ZNF26: variants seen among roughly 807,000 people sequenced by gnomAD.
ZNF26 encodes the protein epididymis luminal protein 179.
A neutral mutation model predicts 54.9 loss-of-function variants in ZNF26; 32 were observed. The observed-to-expected ratio is 0.58, with a 90% CI of 0.44 to 0.78. The LOEUF (loss-of-function observed/expected upper bound fraction) is 0.78, where lower values mean the gene tolerates loss of function less well. Among genes scored for constraint, ZNF26 ranks in the 30% least tolerant of loss-of-function variants. The pLI, the probability that ZNF26 is intolerant of heterozygous loss-of-function variation, is 0.00. For synonymous variants in ZNF26, 221 were observed against 209.2 expected, an observed-to-expected ratio of 1.06 and a Z score of -0.49; for missense variants, 524 against 634.0, an observed-to-expected ratio of 0.83 and a Z score of 1.86.
At chr12:133,008,775 C>CAAAAA (rs57200465) in intron 3 of ZNF26, among the ~76,000 whole-genome samples, 6 of 61,414 alleles carry the variant, frequency 9.8e-5, no homozygotes, top group Non-Finnish European at 2.0e-4. Context: ...GACTCCATCT[C>CAAAAA]AAAAAAAAAA....
chr12:132,989,390 T>G (rs1289867019), intron 1 of ZNF26, among the ~76,000 whole-genome samples: 1 of 152,182 alleles, frequency 6.6e-6, no homozygotes, highest in Non-Finnish European at 1.5e-5. Flanking sequence ...AAAGTTTTAT[T>G]CCTTCCTTCA....
chr12:133,007,039 C>T lies in ZNF26; in HGVS notation c.34-3C>T. ...CAATTGAACAGGGTGTGTGTTATTT[C>T]AGGGATTATTGTCATTCAAGGATAT... On this transcript the variant is annotated splice_region_variant and splice_polypyrimidine_tract_variant and intron_variant, in intron 1 of 3. Coordinates refer to ENST00000328654, the MANE Select transcript of ZNF26 (RefSeq NM_019591.4). 6.2e-7 allele frequency: 1 copy of T among 1,614,088 alleles called. No homozygotes were observed. The highest frequency in any genetic ancestry group is 2.2e-5 in the East Asian group (1 of 44,874).
chr12:133,005,075 G>A (rs1953294465), intron 1 of ZNF26: 3 of 151,952 alleles, frequency 2.0e-5, no homozygotes, highest in African/African-American at 4.8e-5. Flanking sequence ...GTGAACTCCT[G>A]TATTTGTCTT....
In ZNF26 at chr12:132,986,754, C is replaced by A; in HGVS notation, c.-87C>A. On this transcript the variant is annotated 5_prime_UTR_variant, in exon 1 of 4. It adds an upstream start codon to the 5' untranslated region. Coordinates refer to ENST00000328654, the MANE Select transcript of ZNF26 (RefSeq NM_019591.4). ...GGAGCCTGGGGCCCTGGTCCCGCACCTGTCTTCGGGCGGACGCATCCCTCA... is the reference window on the plus strand; with the variant it reads ...GGAGCCTGGGGCCCTGGTCCCGCACATGTCTTCGGGCGGACGCATCCCTCA... The A allele has an allele frequency of 1.4e-6, 2 of 1,460,508 alleles. No individual in the cohort carries two copies. Among genetic ancestry groups the A allele is most frequent in the South Asian group, 1.2e-5 (1 of 81,418 alleles). 90.5% of individuals were successfully genotyped at this position (1,460,508 alleles called of 1,614,324 possible).
At chr12:133,004,638 A>G (rs1953286037) in intron 1 of ZNF26, 1 of 152,106 alleles carries the variant, frequency 6.6e-6, no homozygotes, top group South Asian at 2.1e-4. Flanking sequence ...GGCGTGCACC[A>G]CTATGCCCAC....
At position 132,986,383 on chromosome 12, in the gene ZNF26, G is replaced by T. The variant is rs1952817103; in HGVS notation, c.-458G>T. The T allele has an allele frequency of 1.2e-5, 2 of 161,304 alleles. No individual in the cohort carries two copies. The highest frequency in any genetic ancestry group is 2.4e-5 in the African/African-American group (1 of 41,780). 10.0% of individuals were successfully genotyped at this position (161,304 alleles called of 1,614,324 possible). On this transcript the variant is annotated 5_prime_UTR_variant, in exon 1 of 4. Coordinates refer to ENST00000328654, the MANE Select transcript of ZNF26 (RefSeq NM_019591.4). ...ATGCGCCGCACTCCCGGCCTTAGTC[G>T]GGTGCGCGCGTGCAGGGCTGTTTCC...
chr12:132,999,534 C>T (rs941283279), intron 1 of ZNF26, among the ~76,000 whole-genome samples: 8 of 151,852 alleles, frequency 5.3e-5, no homozygotes, highest in Admixed American at 1.3e-4. Context: ...GGATTACAGG[C>T]GTGAGCCACC....
chr12:132,991,034 T>G (rs1214073264), intron 1 of ZNF26, among the ~76,000 whole-genome samples: 1 of 151,172 alleles, frequency 6.6e-6, no homozygotes, highest in Non-Finnish European at 1.5e-5. Flanking sequence ...AATTTTTGCG[T>G]TTTTAGTAGA....
At chr12:133,002,284 T>C (rs1375738445) in intron 1 of ZNF26, among the ~76,000 whole-genome samples, 1 of 152,172 alleles carries the variant, frequency 6.6e-6, no homozygotes, top group African/African-American at 2.4e-5. Context: ...GTGTTCTGGC[T>C]CTGTCCCCAC....
rs1234281567 is a variant in ZNF26 at position 133,020,488 on chromosome 12, C to CA, written c.*9013dup. On this transcript the variant is annotated 3_prime_UTR_variant, in exon 4 of 4. Coordinates refer to ENST00000328654, the MANE Select transcript of ZNF26 (RefSeq NM_019591.4). ...TTGTTTATATATTTATATTTTGCCT[C>CA]AAAAAAGGCAAAAAAGAAGATATAA... The CA allele has an allele frequency of 6.6e-6, 1 of 151,232 alleles. No individual in the cohort carries two copies. Among genetic ancestry groups the CA allele is most frequent in the Non-Finnish European group, 1.5e-5 (1 of 67,872 alleles). The allele number at this position is 151,232 out of a possible 1,614,324, so 9.4% of individuals were successfully genotyped here.
intron 1 of ZNF26, 137 bp from the exon 2 acceptor site, chr12:133,006,905 C>T: frequency 8.6e-7 from 1 of 1,162,690 alleles, no homozygotes; most frequent in South Asian, 1.4e-5. Flanking sequence ...ATTTTTAATT[C>T]TCTCACAAAG....
At chr12:132,999,139 C>T (rs977682322) in intron 1 of ZNF26, among the ~76,000 whole-genome samples, 5 of 152,338 alleles carry the variant, frequency 3.3e-5, no homozygotes, top group Non-Finnish European at 5.9e-5. Flanking sequence ...CAGCTGTTTA[C>T]ACAGTTCCAG....
chr12:133,011,007 G>A lies in ZNF26; in HGVS notation c.1128G>A (p.Gly376=). ...GNNPYQCGEC[G]KAFGRKEQLT... ...ATCCTTATCAATGCGGTGAATGTGG[G>A]AAAGCCTTTGGTAGGAAGGAACAGC... Residue 376 remains glycine (G), a synonymous_variant, in exon 4 of 4, where the codon GGG becomes GGA. Transcript: ENST00000328654. 2.5e-6 allele frequency: 4 copies of A among 1,614,182 alleles called. No homozygotes were observed. Among genetic ancestry groups the A allele is most frequent in the South Asian group, 1.1e-5 (1 of 91,088 alleles).
At chr12:132,986,998 C>G (rs1156634677) in intron 1 of ZNF26, 125 bp downstream of exon 1, 1 of 1,092,488 alleles carries the variant, frequency 9.2e-7, no homozygotes, top group African/African-American at 1.6e-5. Flanking sequence ...GTTTACTAGA[C>G]TACCCTCCCC....
In ZNF26 at chr12:132,986,623, G is replaced by A. The variant is rs1952825202; in HGVS notation, c.-218G>A. The A allele has an allele frequency of 1.7e-6, 1 of 593,268 alleles. No individual in the cohort carries two copies. Among genetic ancestry groups the A allele is most frequent in the African/African-American group, 1.9e-5 (1 of 53,702 alleles). 36.8% of individuals were successfully genotyped at this position (593,268 alleles called of 1,614,324 possible). A position where few individuals can be genotyped will look rare whatever the true frequency, so the allele number is the denominator to read the frequency against. On this transcript the variant is annotated 5_prime_UTR_variant, in exon 1 of 4. Transcript: ENST00000328654. ...CGGAAAGGCACAAATCCATCCGTGCGACTCCTGGTACCCAGACCGGGAGGT... is the reference window on the plus strand; with the variant it reads ...CGGAAAGGCACAAATCCATCCGTGCAACTCCTGGTACCCAGACCGGGAGGT...
At chr12:132,990,266 T>G (rs1952919428) in intron 1 of ZNF26, among the ~76,000 whole-genome samples, 1 of 152,164 alleles carries the variant, frequency 6.6e-6, no homozygotes, top group Non-Finnish European at 1.5e-5. Context: ...CCAGCCTGGG[T>G]GACAGAGCGA....
At chr12:132,993,805 A>G (rs1378409424) in intron 1 of ZNF26, among the ~76,000 whole-genome samples, 1 of 152,064 alleles carries the variant, frequency 6.6e-6, no homozygotes, top group East Asian at 1.9e-4. Flanking sequence ...TTACATTCAT[A>G]GCTAGACATG....
intron 3 of ZNF26, 55 bp downstream of exon 3, chr12:133,007,587 C>CCACTCCTCAGGTACTCA: frequency 1.6e-6 from 2 of 1,272,204 alleles, no homozygotes; most frequent in Non-Finnish European, 2.2e-6. Context: ...TGATGAGTAC[C>CCACTCCTCAGGTACTCA]TGAGGAGTGG....
At chr12:132,998,684 C>T (rs1192060669) in intron 1 of ZNF26, among the ~76,000 whole-genome samples, 6 of 152,148 alleles carry the variant, frequency 3.9e-5, no homozygotes, top group South Asian at 2.1e-4. Context: ...AGGTACCAGG[C>T]GAGTCTTTCC....
Sources: gnomAD v4.1 joint callset for allele counts (sites outside exome capture counted in the v4.1 genomes callset) on GRCh38, gnomAD v4.1.1 for gene constraint, MANE v1.5 for transcripts, NCBI Gene and HGNC (gene_info 2026-07-23, HGNC 2026-07-21) for gene names.